The following SGCD variants were observed in gnomAD, a reference collection of about 807,000 sequenced individuals.
SGCD encodes sarcoglycan delta, also known as delta-sarcoglycan.
A neutral mutation model predicts 36.6 loss-of-function variants in SGCD; 18 were observed. The observed-to-expected ratio is 0.49, with a 90% CI of 0.34 to 0.73. SGCD has a LOEUF of 0.73. Ranked by LOEUF, SGCD falls within the 30% of genes least tolerant of loss-of-function variation. The probability of loss-of-function intolerance (pLI) is 0.01; values close to 1 mark genes in which losing one functional copy is unlikely to be tolerated. For synonymous variants in SGCD, 133 were observed against 130.6 expected (o/e 1.02, Z -0.12); for missense variants, 387 against 346.7 (o/e 1.12, Z -0.92).
chr5:156,702,918 A>G (rs1754582426), intron 7 of SGCD, among the ~76,000 whole-genome samples: 1 of 152,156 alleles, frequency 6.6e-6, no homozygotes, highest in South Asian at 2.1e-4. Context: ...GAAAATTACT[A>G]TCTCCCTCCA....
the SGCD span, among the ~76,000 whole-genome samples, chr5:155,804,652 C>T: frequency 6.6e-6 from 1 of 152,128 alleles, no homozygotes; most frequent in Non-Finnish European, 1.5e-5. Context: ...CTCCTGATGC[C>T]CTCCAGTTTA....
At chr5:156,050,270 T>C (rs1384771134) in intron 1 of SGCD, among the ~76,000 whole-genome samples, 2 of 146,572 alleles carry the variant, frequency 1.4e-5, no homozygotes, top group East Asian at 3.8e-4. Context: ...ATCACCCTGA[T>C]CAGTCATCAG....
the SGCD span, among the ~76,000 whole-genome samples, chr5:155,855,578 A>G: frequency 6.6e-6 from 1 of 152,186 alleles, no homozygotes; most frequent in Non-Finnish European, 1.5e-5. Context: ...TTGAACCCAT[A>G]CTAGAGTTCC....
rs574212754 is a variant in SGCD at position 156,696,777 on chromosome 5, T to C, written c.575+49241T>C. The stretch of plus-strand genomic sequence containing the variant: ...TTCCTGCCTTGGCCTCCCAAAGTGC[T>C]GGGATTACAGGTGTGAGCCACAGCA... On this transcript the variant is annotated intron_variant, in intron 7 of 8. Coordinates refer to ENST00000337851, the MANE Select transcript of SGCD (RefSeq NM_000337.6). Among the ~76,000 whole-genome samples, 5 of 152,308 alleles carry C rather than the reference T, an allele frequency of 3.3e-5. No individual in the cohort carries two copies. The East Asian group carries it at 7.7e-4, about 24-fold the overall frequency.
At chr5:156,572,171 C>T (rs193013792) in intron 4 of SGCD, among the ~76,000 whole-genome samples, 9 of 152,138 alleles carry the variant, frequency 5.9e-5, no homozygotes, top group South Asian at 4.1e-4. Context: ...GTATTGTTTC[C>T]GCCCTTTGAT....
At position 156,302,100 on chromosome 5, in the gene SGCD, G is replaced by A. The variant is rs141851736; in HGVS notation, c.-43-27434G>A. 1.7e-3 allele frequency among the ~76,000 whole-genome samples: 255 copies of A among 152,042 alleles called. 5 individuals carry two copies. The East Asian group carries it at 0.027, about 16-fold the overall frequency. ...TTATCCCTTTGAATAAACTTTCTAC[G>A]GCTATCTTCTTCTCTATCTCCTCTG... On this transcript the variant is annotated intron_variant, in intron 3 of 9. Transcript: ENST00000517913.
intron 4 of SGCD, among the ~76,000 whole-genome samples, chr5:156,535,819 C>T (rs1011796402): frequency 6.6e-6 from 1 of 152,010 alleles, no homozygotes; most frequent in African/African-American, 2.4e-5. Context: ...CTTTGATGAG[C>T]CATCACAGTA....
At chr5:156,254,155 C>G (rs543261244) in intron 3 of SGCD, among the ~76,000 whole-genome samples, 1 of 152,122 alleles carries the variant, frequency 6.6e-6, no homozygotes, top group African/African-American at 2.4e-5. Flanking sequence ...ATAATAGGCA[C>G]TCATGCCTCA....
At chr5:155,828,437 T>A in the SGCD span, among the ~76,000 whole-genome samples, 1 of 152,198 alleles carries the variant, frequency 6.6e-6, no homozygotes, top group Non-Finnish European at 1.5e-5. Context: ...CTGCTTGACC[T>A]GTAAATTTTT....
chr5:156,052,958 TG>T (rs1759961072), intron 1 of SGCD, among the ~76,000 whole-genome samples: 1 of 146,200 alleles, frequency 6.8e-6, no homozygotes, highest in Admixed American at 6.8e-5. Flanking sequence ...ACCAATGTGT[TG>T]TGCCCCCCTG....
In SGCD at chr5:156,344,498, G is replaced by A; in HGVS notation, c.13G>A (p.Glu5Lys). The A allele has an allele frequency of 6.3e-7, 1 of 1,590,524 alleles. No homozygotes were observed. The highest frequency in any genetic ancestry group is 8.5e-7 in the Non-Finnish European group (1 of 1,170,918). Residue 5 changes from glutamate to lysine, a missense_variant, in exon 3 of 9, where the codon GAG (glutamate) becomes AAG (lysine). Transcript: ENST00000337851. MMPQ[E>K]QYTHHRSTMP... ...GCCTCGTTTATTTCAGATGCCTCAGGAGCAGTACACTCACCACCGGAGCAC... is the reference window on the plus strand; with the variant it reads ...GCCTCGTTTATTTCAGATGCCTCAGAAGCAGTACACTCACCACCGGAGCAC...
chr5:155,796,721 G>T, the SGCD span, among the ~76,000 whole-genome samples: 1 of 146,400 alleles, frequency 6.8e-6, no homozygotes. Context: ...CAGGGGAATC[G>T]CTTGAACCCA....
In SGCD at chr5:156,589,205, G is replaced by T. The variant is rs1331526935; in HGVS notation, c.295-26G>T. ...TTGTTTAGAAATCTATCATTTTCATGTCTTTCTCTTATTTTCTTATTGCAG... is the reference window on the plus strand; with the variant it reads ...TTGTTTAGAAATCTATCATTTTCATTTCTTTCTCTTATTTTCTTATTGCAG... On this transcript the variant is annotated intron_variant, in intron 4 of 8. Coordinates refer to ENST00000337851, the MANE Select transcript of SGCD (RefSeq NM_000337.6). 271 of 1,449,338 alleles carry T rather than the reference G, an allele frequency of 1.9e-4. 1 individual carries two copies. The highest frequency in any genetic ancestry group is 2.5e-4 in the Non-Finnish European group (264 of 1,052,978). 89.8% of individuals were successfully genotyped at this position (1,449,338 alleles called of 1,614,324 possible). A position where few individuals can be genotyped will look rare whatever the true frequency, so the allele number is the denominator to read the frequency against.
intron 1 of SGCD, among the ~76,000 whole-genome samples, chr5:156,001,700 T>C (rs1758667262): frequency 6.6e-6 from 1 of 152,222 alleles, no homozygotes; most frequent in African/African-American, 2.4e-5. Flanking sequence ...GAAATTACAT[T>C]TTAAGTGAAA....
At chr5:156,445,250 T>C (rs534059452) in intron 3 of SGCD, among the ~76,000 whole-genome samples, 3 of 152,294 alleles carry the variant, frequency 2.0e-5, no homozygotes, top group African/African-American at 2.4e-5. Context: ...TACACTGATA[T>C]GTTTTGATCC....
chr5:156,464,216 A>ATTTTTT (rs773294916), intron 3 of SGCD, among the ~76,000 whole-genome samples: 2 of 116,304 alleles, frequency 1.7e-5, no homozygotes, highest in Admixed American at 9.7e-5. Context: ...GAATCTACAT[A>ATTTTTT]TTTTTTTTTT....
intron 3 of SGCD, among the ~76,000 whole-genome samples, chr5:156,138,600 A>T (rs1268914476): frequency 6.6e-6 from 1 of 152,206 alleles, no homozygotes; most frequent in Admixed American, 6.5e-5. Context: ...TTTCCTTTTG[A>T]TAGACATCTG....
intron 4 of SGCD, among the ~76,000 whole-genome samples, chr5:156,567,377 AATAGATAGATAGATAG>A (rs35083006): frequency 0.012 from 1,606 of 131,828 alleles, 11 homozygotes; most frequent in Middle Eastern, 0.022. Flanking sequence ...TGGATAGATA[AATAGATAGATAGATAG>A]ATAGATAGAT....
the SGCD span, among the ~76,000 whole-genome samples, chr5:155,855,686 T>C: frequency 3.9e-5 from 6 of 152,188 alleles, no homozygotes; most frequent in African/African-American, 1.2e-4. Context: ...GTATTTCTCA[T>C]GTTATAAAAA....
Sources: allele counts gnomAD v4.1 joint callset (sites outside exome capture counted in the v4.1 genomes callset), GRCh38; gene constraint gnomAD v4.1.1; transcripts MANE v1.5; gene names NCBI Gene and HGNC (gene_info 2026-07-23, HGNC 2026-07-21).